PAN3: variants seen among roughly 807,000 people sequenced by gnomAD.
The protein encoded by PAN3 is poly(A) specific ribonuclease subunit PAN3.
Under a neutral mutation model 96.2 loss-of-function variants are expected in PAN3, and 19 were observed. That is an observed-to-expected ratio of 0.20 (90% CI 0.14 to 0.29). The LOEUF is 0.29. Ranked by LOEUF, PAN3 falls within the 10% of genes least tolerant of loss-of-function variation. The probability of loss-of-function intolerance (pLI) is 1.00; values close to 1 mark genes in which losing one functional copy is unlikely to be tolerated. For synonymous variants in PAN3, 433 were observed against 406.6 expected (o/e 1.06, Z -0.78); for missense variants, 882 against 1,108.1 (o/e 0.80, Z 2.90).
At chr13:28,237,330 TA>T (rs1419731558) in intron 6 of PAN3, among the ~76,000 whole-genome samples, 2 of 152,090 alleles carry the variant, frequency 1.3e-5, no homozygotes, top group African/African-American at 2.4e-5. Context: ...AAGAGACTAG[TA>T]GGTAATAAGA....
chr13:28,281,306 G>A lies in PAN3; in HGVS notation c.2320-9G>A. 1 of 1,607,268 alleles carries A rather than the reference G, an allele frequency of 6.2e-7. No homozygotes were observed. Among genetic ancestry groups the A allele is most frequent in the Non-Finnish European group, 8.5e-7 (1 of 1,175,618 alleles). ...ATTAACATTTTTCTCTTTTTAAAATGTTTTATAGGAGGTTCAAAATGGAAG... is the reference window on the plus strand; with the variant it reads ...ATTAACATTTTTCTCTTTTTAAAATATTTTATAGGAGGTTCAAAATGGAAG... On this transcript the variant is annotated splice_polypyrimidine_tract_variant and intron_variant, in intron 16 of 18. Coordinates refer to ENST00000380958, the MANE Select transcript of PAN3 (RefSeq NM_175854.8).
intron 17 of PAN3, among the ~76,000 whole-genome samples, chr13:28,284,724 T>TA (rs1021796996): frequency 6.6e-6 from 1 of 152,192 alleles, no homozygotes; most frequent in African/African-American, 2.4e-5. Flanking sequence ...ACCTCTTCCA[T>TA]ACTATTTTAA....
intron 6 of PAN3, among the ~76,000 whole-genome samples, chr13:28,251,346 C>T (rs985148484): frequency 2.6e-5 from 4 of 152,024 alleles, no homozygotes; most frequent in African/African-American, 7.2e-5. Context: ...CTTTTAAGTG[C>T]GATTATTTTC....
chr13:28,147,365 A>G (rs1255327757), intron 1 of PAN3, among the ~76,000 whole-genome samples: 2 of 152,228 alleles, frequency 1.3e-5, no homozygotes, highest in African/African-American at 4.8e-5. Flanking sequence ...TTATTCAGGC[A>G]TTAAACGCAT....
chr13:28,222,709 G>T (rs1181343965), intron 6 of PAN3, among the ~76,000 whole-genome samples: 2 of 152,068 alleles, frequency 1.3e-5, no homozygotes, highest in Non-Finnish European at 2.9e-5. Flanking sequence ...GCCGTGTAAG[G>T]TTATAGAATA....
intron 15 of PAN3, among the ~76,000 whole-genome samples, chr13:28,279,352 G>A (rs193069678): frequency 1.3e-5 from 2 of 152,260 alleles, no homozygotes; most frequent in East Asian, 3.9e-4. Context: ...ATTCAGTTTA[G>A]CAAAATTGAA....
At chr13:28,260,054 T>G (rs1055298423) in intron 7 of PAN3, among the ~76,000 whole-genome samples, 1 of 152,168 alleles carries the variant, frequency 6.6e-6, no homozygotes, top group African/African-American at 2.4e-5. Flanking sequence ...ATTGCTATCA[T>G]GTAAAGATTA....
chr13:28,147,579 A>C (rs1332519156), intron 1 of PAN3, among the ~76,000 whole-genome samples: 1 of 152,184 alleles, frequency 6.6e-6, no homozygotes, highest in East Asian at 1.9e-4. Context: ...ATACTGTATC[A>C]GTTGTTTACC....
At chr13:28,169,135 G>T (rs1483703826) in intron 1 of PAN3, among the ~76,000 whole-genome samples, 4 of 150,938 alleles carry the variant, frequency 2.7e-5, no homozygotes, top group African/African-American at 9.7e-5. Context: ...TATATTCTTG[G>T]TAATTAAGGT....
chr13:28,153,559 G>A (rs74336351), intron 1 of PAN3, among the ~76,000 whole-genome samples: 4 of 151,992 alleles, frequency 2.6e-5, no homozygotes, highest in Non-Finnish European at 5.9e-5. Context: ...TAAAAGATAT[G>A]TAAGAAGAAA....
At chr13:28,239,162 AACACACAC>A (rs71086840) in intron 6 of PAN3, among the ~76,000 whole-genome samples, 2 of 76,820 alleles carry the variant, frequency 2.6e-5, no homozygotes, top group African/African-American at 1.0e-4. Context: ...CACCCCCGCC[AACACACAC>A]ACACACACAC....
At position 28,278,644 on chromosome 13, in the gene PAN3, C is replaced by T. The variant is rs148748804; in HGVS notation, c.2189+1268C>T. Among the ~76,000 whole-genome samples the T allele has an allele frequency of 8.4e-4, 127 of 151,912 alleles. 1 individual carries two copies. The East Asian group carries it at 0.021, about 25-fold the overall frequency. On this transcript the variant is annotated intron_variant, in intron 15 of 18. Transcript: ENST00000380958. ...ACTAAAGTTTATGGAGTAATTAAAC[C>T]ATGTATCGGGCCCTTTCAAACTGCT...
chr13:28,158,839 C>T (rs952284243), intron 1 of PAN3, among the ~76,000 whole-genome samples: 1 of 151,168 alleles, frequency 6.6e-6, no homozygotes, highest in Non-Finnish European at 1.5e-5. Context: ...TATCGCGCCA[C>T]TGCACTCCAG....
At chr13:28,281,238 C>T in intron 16 of PAN3, 77 bp from the exon 17 acceptor site, 1 of 1,076,984 alleles carries the variant, frequency 9.3e-7, no homozygotes, top group Non-Finnish European at 1.4e-6. Flanking sequence ...TACAGGTTAC[C>T]AGTTTTTGTA....
intron 5 of PAN3, among the ~76,000 whole-genome samples, chr13:28,210,202 T>C (rs1375908945): frequency 6.6e-6 from 1 of 152,212 alleles, no homozygotes; most frequent in Non-Finnish European, 1.5e-5. Context: ...AGCTAACAAC[T>C]GTCTTTGGAA....
intron 1 of PAN3, among the ~76,000 whole-genome samples, chr13:28,162,084 A>G (rs1486463216): frequency 6.6e-6 from 1 of 152,238 alleles, no homozygotes; most frequent in Non-Finnish European, 1.5e-5. Context: ...TTTGGCACCT[A>G]ATATCAACTG....
chr13:28,141,013 T>TATTTTTA (rs1566128503), intron 1 of PAN3, among the ~76,000 whole-genome samples: 14 of 148,606 alleles, frequency 9.4e-5, no homozygotes, highest in East Asian at 7.8e-4. Context: ...CTTTTTTTTT[T>TATTTTTA]TTTTTTTTTG....
intron 2 of PAN3, among the ~76,000 whole-genome samples, chr13:28,175,808 T>G (rs1874890850): frequency 6.6e-6 from 1 of 152,224 alleles, no homozygotes; most frequent in South Asian, 2.1e-4. Context: ...GTATTAAAAT[T>G]ACCTCAGGAG....
At chr13:28,179,986 T>C (rs1875556288) in intron 4 of PAN3, among the ~76,000 whole-genome samples, 1 of 152,176 alleles carries the variant, frequency 6.6e-6, no homozygotes, top group African/African-American at 2.4e-5. Context: ...GAAAATAATG[T>C]TAGTAGAAAT....
Sources: allele counts gnomAD v4.1 joint callset (sites outside exome capture counted in the v4.1 genomes callset), GRCh38; gene constraint gnomAD v4.1.1; transcripts MANE v1.5; gene names NCBI Gene and HGNC (gene_info 2026-07-23, HGNC 2026-07-21).